ESRRG: variants seen among roughly 807,000 people sequenced by gnomAD.
The protein encoded by ESRRG is estrogen-related receptor gamma.
A neutral mutation model predicts 44.0 loss-of-function variants in ESRRG; 13 were observed. The ratio of observed to expected loss-of-function variants is 0.30; its 90% CI spans 0.19 to 0.47. ESRRG has a LOEUF of 0.47. ESRRG is among the 20% of genes least tolerant of loss of function. ESRRG has a pLI of 1.00. For synonymous variants in ESRRG, 215 were observed against 214.6 expected (o/e 1.00, Z -0.02); for missense variants, 395 against 580.6 (o/e 0.68, Z 3.29).
At chr1:216,989,446 A>C (rs1398272131) in intron 1 of ESRRG, among the ~76,000 whole-genome samples, 1 of 151,656 alleles carries the variant, frequency 6.6e-6, no homozygotes, top group Non-Finnish European at 1.5e-5. Flanking sequence ...AAAAAAAAAA[A>C]AAAACACAGT....
At chr1:216,606,017 A>G (rs1370328120) in intron 3 of ESRRG, among the ~76,000 whole-genome samples, 4 of 152,214 alleles carry the variant, frequency 2.6e-5, no homozygotes, top group African/African-American at 9.6e-5. Context: ...AAACCAAAGA[A>G]AGATGTAATA....
In ESRRG at chr1:216,850,840, A is replaced by T. The variant is rs572651539; in HGVS notation, c.-14+88742T>A. Among the ~76,000 whole-genome samples the T allele has an allele frequency of 5.3e-5, 8 of 152,096 alleles. No homozygotes were observed. The East Asian group carries it at 1.5e-3, about 29-fold the overall frequency. ...GAATCATTTACCAAGAATGAACGGGACAAAAGATCTATGGAAATATTGCTT... is the reference window on the plus strand; with the variant it reads ...GAATCATTTACCAAGAATGAACGGGTCAAAAGATCTATGGAAATATTGCTT... On this transcript the variant is annotated intron_variant, in intron 2 of 7. Coordinates refer to the ESRRG transcript ENST00000359162.
intron 1 of ESRRG, among the ~76,000 whole-genome samples, chr1:217,102,243 A>C (rs2092527392): frequency 6.6e-6 from 1 of 152,230 alleles, no homozygotes; most frequent in African/African-American, 2.4e-5. Context: ...CGGAGGCACA[A>C]AGTGGTTAGG....
chr1:216,939,808 A>G (rs1415658977), intron 1 of ESRRG: 1 of 152,008 alleles, frequency 6.6e-6, no homozygotes, highest in East Asian at 1.9e-4. Context: ...ATTAATAGCT[A>G]TGACTTAGTA....
intron 2 of ESRRG, among the ~76,000 whole-genome samples, chr1:216,801,113 A>G (rs911609784): frequency 6.6e-6 from 1 of 152,212 alleles, no homozygotes; most frequent in African/African-American, 2.4e-5. Context: ...ATTGATTGCA[A>G]GAGCACCTAA....
chr1:217,103,357 G>T (rs1047905968), intron 1 of ESRRG, among the ~76,000 whole-genome samples: 3 of 151,828 alleles, frequency 2.0e-5, no homozygotes, highest in Admixed American at 2.0e-4. Context: ...ACAGTTAAAA[G>T]ATTTTAGGCC....
At chr1:216,887,420 T>C (rs1050283543) in intron 2 of ESRRG, among the ~76,000 whole-genome samples, 1 of 152,220 alleles carries the variant, frequency 6.6e-6, no homozygotes, top group African/African-American at 2.4e-5. Context: ...TGAGACTCTC[T>C]ATGCTAGTAC....
chr1:216,851,778 G>C (rs6656008), intron 2 of ESRRG, among the ~76,000 whole-genome samples: 3 of 152,006 alleles, frequency 2.0e-5, no homozygotes, highest in African/African-American at 7.3e-5. Context: ...TCATTGACCC[G>C]GCTAAGGATC....
intron 1 of ESRRG, among the ~76,000 whole-genome samples, chr1:216,710,617 C>T (rs2083403158): frequency 6.6e-6 from 1 of 152,128 alleles, no homozygotes; most frequent in South Asian, 2.1e-4. Context: ...AGAATCTGTA[C>T]TTAAACATAA....
At chr1:217,016,310 G>A (rs747540925) in intron 1 of ESRRG, among the ~76,000 whole-genome samples, 2 of 151,958 alleles carry the variant, frequency 1.3e-5, no homozygotes, top group Non-Finnish European at 2.9e-5. Context: ...TAATGGAACA[G>A]TTACTAAATT....
At chr1:216,522,294 G>C (rs1414210814) in intron 5 of ESRRG, among the ~76,000 whole-genome samples, 1 of 111,176 alleles carries the variant, frequency 9.0e-6, no homozygotes, top group Non-Finnish European at 1.7e-5. Flanking sequence ...TGGTGAGGGA[G>C]CATGAGGAGA....
At chr1:216,746,087 T>C (rs573365796) in intron 2 of ESRRG, among the ~76,000 whole-genome samples, 1 of 152,238 alleles carries the variant, frequency 6.6e-6, no homozygotes, top group Non-Finnish European at 1.5e-5. Flanking sequence ...AACAGCCTTC[T>C]TTTATTGTGC....
chr1:217,132,926 G>C (rs184962365), intron 1 of ESRRG, among the ~76,000 whole-genome samples: 126 of 152,252 alleles, frequency 8.3e-4, no homozygotes, highest in Non-Finnish European at 1.2e-3. Context: ...TCCGTTCTCT[G>C]TCACCACCTC....
chr1:217,090,199 T>C (rs1279272056), upstream of ESRRG, among the ~76,000 whole-genome samples: 1 of 152,094 alleles, frequency 6.6e-6, no homozygotes, highest in East Asian at 1.9e-4. Context: ...AAAGCAAGCA[T>C]GCGTTCATCT....
chr1:216,755,530 C>T (rs929927252), intron 2 of ESRRG, among the ~76,000 whole-genome samples: 4 of 151,988 alleles, frequency 2.6e-5, no homozygotes, highest in African/African-American at 9.7e-5. Context: ...GCATATTATA[C>T]TGTGGTTGGT....
intron 3 of ESRRG, among the ~76,000 whole-genome samples, chr1:216,630,321 A>C (rs1158562973): frequency 1.3e-5 from 2 of 152,072 alleles, no homozygotes; most frequent in Non-Finnish European, 2.9e-5. Context: ...TCCCTTCAAC[A>C]CAGAATGATG....
intron 2 of ESRRG, among the ~76,000 whole-genome samples, chr1:216,914,702 T>G (rs1382841864): frequency 6.6e-6 from 1 of 152,222 alleles, no homozygotes; most frequent in Non-Finnish European, 1.5e-5. Flanking sequence ...GCGTACCTGA[T>G]GCCAGTGTTC....
chr1:216,638,054 A>G (rs1410512077), intron 3 of ESRRG, among the ~76,000 whole-genome samples: 2 of 152,210 alleles, frequency 1.3e-5, no homozygotes, highest in Non-Finnish European at 2.9e-5. Flanking sequence ...CTATGTGATC[A>G]TTATTGTACT....
At chr1:216,841,516 G>A (rs1374745055) in intron 2 of ESRRG, among the ~76,000 whole-genome samples, 1 of 151,998 alleles carries the variant, frequency 6.6e-6, no homozygotes, top group Non-Finnish European at 1.5e-5. Flanking sequence ...ATTTAGGATG[G>A]AACTTTAACA....
Sources: gnomAD v4.1 joint callset for allele counts (sites outside exome capture counted in the v4.1 genomes callset) on GRCh38, gnomAD v4.1.1 for gene constraint, MANE v1.5 for transcripts, NCBI Gene and HGNC (gene_info 2026-07-23, HGNC 2026-07-21) for gene names.